Variants in ZNF800 observed in about 807,000 individuals in gnomAD.
ZNF800 encodes zinc finger protein 800.
ZNF800 carries 13 observed loss-of-function variants against 59.5 expected under a neutral mutation model. The observed-to-expected ratio is 0.22, with a 90% CI of 0.14 to 0.35. The LOEUF (loss-of-function observed/expected upper bound fraction) is 0.35, where lower values mean the gene tolerates loss of function less well. Ranked by LOEUF, ZNF800 falls within the 10% of genes least tolerant of loss-of-function variation. The pLI is 1.00. For synonymous variants in ZNF800, 266 were observed against 265.7 expected (o/e 1.00, Z -0.01); for missense variants, 621 against 783.7 (o/e 0.79, Z 2.48).
At position 127,353,425 on chromosome 7, in the gene ZNF800, A is replaced by G. The variant is rs571017039; in HGVS notation, n.225-5382T>C. Among the ~76,000 whole-genome samples the G allele has an allele frequency of 5.3e-5, 8 of 152,330 alleles. No homozygotes were observed. In the East Asian group the frequency reaches 1.5e-3, roughly 29 times the overall value. ...TTCAGGGTTGAGGATAACACACGTAAAAGCTGTGCTAAAGCTATGAACATC... is the reference window on the plus strand; with the variant it reads ...TTCAGGGTTGAGGATAACACACGTAGAAGCTGTGCTAAAGCTATGAACATC... On this transcript the variant is annotated intron_variant and non_coding_transcript_variant, in intron 1 of 1. Coordinates refer to the ZNF800 transcript ENST00000485577.
In ZNF800 at chr7:127,374,880, A is replaced by C; in HGVS notation, c.456T>G (p.Asn152Lys). 3 of 1,613,896 alleles carry C rather than the reference A, an allele frequency of 1.9e-6. No homozygotes were observed. The highest frequency in any genetic ancestry group is 1.7e-6 in the Non-Finnish European group (2 of 1,179,890). Residue 152 changes from asparagine (N) to lysine (K), a missense_variant, in exon 5 of 6, where the codon AAT becomes AAG. Asn to Lys is a moderately conservative substitution (Grantham distance 94). This residue lies in a region of ZNF800 where 218 missense variants were observed against 230.8 expected (regional missense o/e 0.94). Transcript: ENST00000265827. ...TGCTTGACTCTGTGACTTCAATAGGATTATCAGTCCTCGAAATATATTGAA... is the reference window on the plus strand; with the variant it reads ...TGCTTGACTCTGTGACTTCAATAGGCTTATCAGTCCTCGAAATATATTGAA... Reference protein sequence around the residue: ...AVFQYISRTDNPIEVTESSST... With the variant: ...AVFQYISRTDKPIEVTESSST...
chr7:127,392,392 A>G lies in ZNF800; in HGVS notation c.-391T>C, dbSNP rs1275661585. ...CCCGGCAGCAGCTGCCGCCGCCACCACCGAAGGAGCCGGAACCGGAGCGGG... is the reference window on the plus strand; with the variant it reads ...CCCGGCAGCAGCTGCCGCCGCCACCGCCGAAGGAGCCGGAACCGGAGCGGG... On this transcript the variant is annotated 5_prime_UTR_variant, in exon 1 of 6. Transcript: ENST00000265827. 1 of 379,496 alleles carries G rather than the reference A, an allele frequency of 2.6e-6. No homozygotes were observed. The highest frequency in any genetic ancestry group is 4.7e-6 in the Non-Finnish European group (1 of 214,182). 23.5% of individuals were successfully genotyped at this position (379,496 alleles called of 1,614,324 possible).
At chr7:127,355,449 A>C (rs1800251821) in intron 1 of ZNF800, among the ~76,000 whole-genome samples, 1 of 152,046 alleles carries the variant, frequency 6.6e-6, no homozygotes, top group Non-Finnish European at 1.5e-5. Context: ...CGCAATAATA[A>C]CACAAAGGAT....
downstream of ZNF800, among the ~76,000 whole-genome samples, chr7:127,368,299 G>A (rs1800555416): frequency 6.6e-6 from 1 of 152,108 alleles, no homozygotes; most frequent in South Asian, 2.1e-4. Flanking sequence ...AAAAACCACA[G>A]AACAGCTATT....
chr7:127,357,519 C>A (rs1800294526), intron 1 of ZNF800, among the ~76,000 whole-genome samples: 1 of 151,998 alleles, frequency 6.6e-6, no homozygotes, highest in African/African-American at 2.4e-5. Flanking sequence ...AGATTAGGCA[C>A]ACAGACATAG....
chr7:127,356,977 C>T (rs1800284453), intron 1 of ZNF800, among the ~76,000 whole-genome samples: 1 of 151,882 alleles, frequency 6.6e-6, no homozygotes, highest in African/African-American at 2.4e-5. Context: ...AAAGTTAATG[C>T]CAAAAAAGTT....
chr7:127,381,301 A>C (rs1376677871), intron 3 of ZNF800, among the ~76,000 whole-genome samples: 1 of 152,206 alleles, frequency 6.6e-6, no homozygotes, highest in Non-Finnish European at 1.5e-5. Flanking sequence ...ACTGCAAGTA[A>C]ATAAATGTAC....
intron 1 of ZNF800, chr7:127,363,477 G>T (rs937761587): frequency 2.6e-5 from 4 of 151,900 alleles, no homozygotes; most frequent in African/African-American, 4.8e-5. Flanking sequence ...CACCCACCAT[G>T]TTCCAGGTAC....
chr7:127,353,679 T>C (rs1800213727), intron 1 of ZNF800, among the ~76,000 whole-genome samples: 1 of 152,200 alleles, frequency 6.6e-6, no homozygotes, highest in Non-Finnish European at 1.5e-5. Context: ...ATATAAGTAC[T>C]CAACCTCTAT....
At position 127,372,073 on chromosome 7, in the gene ZNF800, T is replaced by A. The variant is rs539666879; in HGVS notation, c.*-259A>T. On this transcript the variant is annotated intron_variant, in intron 5 of 5. Coordinates refer to ENST00000265827, the MANE Select transcript of ZNF800 (RefSeq NM_176814.5). ...TGCCTTAATACAGGGGACACAGGTA[T>A]AGAAGGTGAACTTTTAAAATATATA... Among the ~76,000 whole-genome samples the A allele has an allele frequency of 6.7e-4, 102 of 152,344 alleles. 1 individual carries two copies. The highest frequency in any genetic ancestry group is 2.3e-3 in the African/African-American group (97 of 41,582).
At chr7:127,385,926 T>C (rs1431328825) in intron 3 of ZNF800, 134 bp downstream of exon 3, 10 of 576,094 alleles carry the variant, frequency 1.7e-5, no homozygotes, top group East Asian at 3.3e-5. Flanking sequence ...TTTTAAAATA[T>C]GAAAATTTTA....
chr7:127,344,730 T>C (rs1262651170), downstream of ZNF800, among the ~76,000 whole-genome samples: 1 of 152,140 alleles, frequency 6.6e-6, no homozygotes, highest in Non-Finnish European at 1.5e-5. Flanking sequence ...AGGAATTTAG[T>C]ATTTGATAAA....
At chr7:127,378,176 A>G (rs867162504) in intron 3 of ZNF800, among the ~76,000 whole-genome samples, 2 of 152,112 alleles carry the variant, frequency 1.3e-5, no homozygotes, top group African/African-American at 4.8e-5. Flanking sequence ...CTCAAAAACA[A>G]TTTGTTGAAG....
In ZNF800 at chr7:127,371,849, G is replaced by A. The variant is rs774377880; in HGVS notation, c.*-35C>T. The stretch of plus-strand genomic sequence containing the variant: ...AATGGGAATAAATGAACACTTTTGA[G>A]TTTACTAATAAAACCTAGTTTTTAA... On this transcript the variant is annotated intron_variant, in intron 5 of 5. Transcript: ENST00000265827. 3.8e-5 allele frequency: 29 copies of A among 753,378 alleles called. No individual in the cohort carries two copies. In the South Asian group the frequency reaches 4.0e-4, roughly 11 times the overall value. The allele number at this position is 753,378 out of a possible 1,614,324, so 46.7% of individuals were successfully genotyped here. A position where few individuals can be genotyped will look rare whatever the true frequency, so the allele number is the denominator to read the frequency against.
At position 127,377,280 on chromosome 7, in the gene ZNF800, A is replaced by G. The variant is rs1360552326; in HGVS notation, c.207T>C (p.Phe69=). 6.2e-7 allele frequency: 1 copy of G among 1,611,172 alleles called. No individual in the cohort carries two copies. The highest frequency in any genetic ancestry group is 8.5e-7 in the Non-Finnish European group (1 of 1,177,996). The stretch of plus-strand genomic sequence containing the variant: ...AGAGACTGCGGCATAACTTACATTC[A>G]AAAATAGTGTCCACATCTTTTAATA... ...HILLKDVDTI[F]ECKLCRSLFR... is the part of the protein sequence containing the mutation. The change falls in exon 4 of 6, where the codon TTT becomes TTC. Residue 69 remains phenylalanine (F), a synonymous_variant. Coordinates refer to ENST00000265827, the MANE Select transcript of ZNF800 (RefSeq NM_176814.5). The surrounding 1 kb of genome is among the most constrained non-coding windows in gnomAD (Gnocchi z 4.7).
intron 5 of ZNF800, chr7:127,372,740 C>A: frequency 1.0e-5 from 10 of 985,314 alleles, no homozygotes; most frequent in Non-Finnish European, 1.2e-5. Context: ...TATTTACCAC[C>A]AACTTTCCCC....
chr7:127,369,140 T>C (rs888308085), downstream of ZNF800, among the ~76,000 whole-genome samples: 2 of 152,060 alleles, frequency 1.3e-5, no homozygotes, highest in South Asian at 2.1e-4. Flanking sequence ...TTCAAACTTA[T>C]AAAGTTGAAG....
At chr7:127,346,489 G>A (rs958701254), downstream of ZNF800, among the ~76,000 whole-genome samples, 14 of 152,348 alleles carry the variant, frequency 9.2e-5, no homozygotes, top group South Asian at 8.3e-4. Context: ...CTGTTCAAGA[G>A]TGCTGAAAGC....
chr7:127,346,284 T>C (rs1175232486), downstream of ZNF800, among the ~76,000 whole-genome samples: 7 of 152,296 alleles, frequency 4.6e-5, no homozygotes, highest in Middle Eastern at 3.4e-3. Context: ...TAGTCTCAGA[T>C]GTGGAGAACT....
Sources: gnomAD v4.1 joint callset for allele counts (sites outside exome capture counted in the v4.1 genomes callset) on GRCh38, gnomAD v4.1.1 for gene constraint, gnomAD v4.1.1 regional missense constraint, Gnocchi (gnomAD v3.1) non-coding constraint, MANE v1.5 for transcripts, NCBI Gene and HGNC (gene_info 2026-07-23, HGNC 2026-07-21) for gene names.